CDK13: variants seen among roughly 807,000 people sequenced by gnomAD.
The protein encoded by CDK13 is cyclin dependent kinase 13.
Under a neutral mutation model 137.6 loss-of-function variants are expected in CDK13, and 40 were observed. The ratio of observed to expected loss-of-function variants is 0.29; its 90% CI spans 0.23 to 0.38. The LOEUF (loss-of-function observed/expected upper bound fraction) is 0.38. CDK13 is among the 10% of genes least tolerant of loss of function. The probability of loss-of-function intolerance (pLI) is 1.00; values close to 1 mark genes in which losing one functional copy is unlikely to be tolerated. For missense variants in CDK13, 1,704 were observed against 1,951.8 expected, an observed-to-expected ratio of 0.87 and a Z score of 2.39; for synonymous variants, 869 against 760.1, an observed-to-expected ratio of 1.14 and a Z score of -2.36.
intron 9 of CDK13, among the ~76,000 whole-genome samples, chr7:40,064,504 A>C (rs748266656): frequency 6.6e-6 from 1 of 152,156 alleles, no homozygotes; most frequent in Non-Finnish European, 1.5e-5. Flanking sequence ...ACATCATATC[A>C]TAAACAGACA....
chr7:39,977,305 A>G (rs369721385), intron 1 of CDK13, among the ~76,000 whole-genome samples: 239 of 152,346 alleles, frequency 1.6e-3, no homozygotes, highest in African/African-American at 5.7e-3. Flanking sequence ...GCTGCTGTGA[A>G]TTCTTTTCAA....
At chr7:40,033,209 G>C (rs1785416011) in intron 5 of CDK13, among the ~76,000 whole-genome samples, 1 of 152,006 alleles carries the variant, frequency 6.6e-6, no homozygotes, top group African/African-American at 2.4e-5. Context: ...GCCCACCTCA[G>C]CTTCCCAAAG....
At chr7:39,991,208 A>G (rs925198420) in intron 2 of CDK13, among the ~76,000 whole-genome samples, 3 of 152,178 alleles carry the variant, frequency 2.0e-5, no homozygotes, top group African/African-American at 7.2e-5. Context: ...CTGAACAGCT[A>G]TTAGTTGAAA....
chr7:40,074,997 G>A (rs1584073928), intron 9 of CDK13, among the ~76,000 whole-genome samples: 1 of 152,126 alleles, frequency 6.6e-6, no homozygotes, highest in East Asian at 1.9e-4. Context: ...TAAATTTAGA[G>A]TGGCGGTTGA....
At chr7:40,020,982 T>C (rs948602657) in intron 5 of CDK13, among the ~76,000 whole-genome samples, 2 of 151,986 alleles carry the variant, frequency 1.3e-5, no homozygotes, top group Non-Finnish European at 2.9e-5. Context: ...TCCCAGCTAC[T>C]TGGGAGGCTG....
chr7:40,068,130 A>G (rs1265265176), intron 9 of CDK13, among the ~76,000 whole-genome samples: 1 of 151,890 alleles, frequency 6.6e-6, no homozygotes, highest in Non-Finnish European at 1.5e-5. Context: ...TATTAATCCA[A>G]GAATTCTAAG....
At chr7:40,049,592 G>A (rs1169673460) in intron 7 of CDK13, among the ~76,000 whole-genome samples, 1 of 151,794 alleles carries the variant, frequency 6.6e-6, no homozygotes, top group Non-Finnish European at 1.5e-5. Context: ...TTTTTTTTGT[G>A]TGTGCCAACA....
intron 9 of CDK13, among the ~76,000 whole-genome samples, chr7:40,064,438 T>C (rs971821558): frequency 2.6e-5 from 4 of 152,198 alleles, no homozygotes; most frequent in African/African-American, 7.2e-5. Context: ...AATTTTACTT[T>C]ACCAACTGAA....
intron 9 of CDK13, among the ~76,000 whole-genome samples, chr7:40,076,250 C>A (rs938446925): frequency 1.3e-5 from 2 of 152,072 alleles, no homozygotes; most frequent in Admixed American, 1.3e-4. Context: ...AGAAAAGAGA[C>A]CTGTAAACAA....
chr7:40,089,183 C>T (rs1312628328), intron 12 of CDK13, among the ~76,000 whole-genome samples: 1 of 151,860 alleles, frequency 6.6e-6, no homozygotes, highest in Non-Finnish European at 1.5e-5. Context: ...ATCTGTAATC[C>T]CAGCTCTTTG....
At chr7:40,023,661 G>A (rs541026122) in intron 5 of CDK13, among the ~76,000 whole-genome samples, 1 of 151,976 alleles carries the variant, frequency 6.6e-6, no homozygotes, top group Non-Finnish European at 1.5e-5. Flanking sequence ...CACCACGCCT[G>A]GCTAATTTTT....
At chr7:39,988,926 AC>A (rs1257458720) in intron 2 of CDK13, among the ~76,000 whole-genome samples, 2 of 151,832 alleles carry the variant, frequency 1.3e-5, no homozygotes, top group African/African-American at 4.8e-5. Context: ...TACTAAAAAT[AC>A]AAAAAACTTA....
At chr7:39,970,651 G>A (rs371253702) in intron 1 of CDK13, among the ~76,000 whole-genome samples, 1 of 151,850 alleles carries the variant, frequency 6.6e-6, no homozygotes, top group East Asian at 2.0e-4. Flanking sequence ...AGTAGAGCTG[G>A]GATTTCACCC....
At chr7:40,048,047 A>G in intron 7 of CDK13, 170 bp downstream of exon 7, 1 of 444,820 alleles carries the variant, frequency 2.2e-6, no homozygotes, top group Non-Finnish European at 4.0e-6. Flanking sequence ...TGTAATTACA[A>G]TATTTTATAC....
intron 11 of CDK13, among the ~76,000 whole-genome samples, chr7:40,079,913 G>T (rs781667160): frequency 1.3e-5 from 2 of 152,096 alleles, no homozygotes; most frequent in African/African-American, 2.4e-5. Flanking sequence ...TTGGGGAGTA[G>T]GGGGGAAGGA....
At chr7:40,062,006 C>A (rs1786158889) in intron 7 of CDK13, 1 of 152,304 alleles carries the variant, frequency 6.6e-6, no homozygotes, top group African/African-American at 2.4e-5. Context: ...TGAGTAGACA[C>A]TCTGCATTTG....
In CDK13 at chr7:40,027,362, CA is replaced by C. The variant is rs968357282; in HGVS notation, c.2354-18467del. On this transcript the variant is annotated intron_variant, in intron 5 of 13. Transcript: ENST00000181839. ...TGTCTCACACAAACACACAAACAAA[CA>C]AAAAAACTTTTATTTAACCCCAGAT... is the stretch of plus-strand genomic sequence containing the variant. 2.1e-4 allele frequency among the ~76,000 whole-genome samples: 32 copies of C among 152,072 alleles called. No individual in the cohort carries two copies. The East Asian group carries it at 5.6e-3, about 27-fold the overall frequency.
intron 9 of CDK13, among the ~76,000 whole-genome samples, chr7:40,075,129 T>C (rs1259946550): frequency 6.6e-6 from 1 of 152,136 alleles, no homozygotes; most frequent in East Asian, 1.9e-4. Context: ...TTTCAAGGAA[T>C]ATTAAAAGCA....
chr7:40,060,267 T>A (rs533154878), intron 7 of CDK13, among the ~76,000 whole-genome samples: 15 of 152,294 alleles, frequency 9.8e-5, no homozygotes, highest in Non-Finnish European at 1.6e-4. Context: ...TAAGATTTTT[T>A]AAAAAATACA....
Sources: gnomAD v4.1 joint callset for allele counts (sites outside exome capture counted in the v4.1 genomes callset) on GRCh38, gnomAD v4.1.1 for gene constraint, MANE v1.5 for transcripts, NCBI Gene and HGNC (gene_info 2026-07-23, HGNC 2026-07-21) for gene names.